The following CTNND2 variants were observed in gnomAD, a reference collection of about 807,000 sequenced individuals.
CTNND2 encodes catenin delta-2.
Under a neutral mutation model 144.4 loss-of-function variants are expected in CTNND2, and 22 were observed. That is an observed-to-expected ratio of 0.15 (90% CI 0.11 to 0.22). CTNND2 has a LOEUF of 0.22. Ranked by LOEUF, CTNND2 falls within the 10% of genes least tolerant of loss-of-function variation. CTNND2 has a pLI of 1.00. For synonymous variants in CTNND2, 751 were observed against 695.6 expected (o/e 1.08, Z -1.25); for missense variants, 1,353 against 1,618.8 (o/e 0.84, Z 2.82).
At chr5:11,243,088 C>T (rs765423176) in intron 9 of CTNND2, among the ~76,000 whole-genome samples, 10 of 152,158 alleles carry the variant, frequency 6.6e-5, no homozygotes, top group Admixed American at 2.6e-4. Flanking sequence ...TTCACTGATA[C>T]GTATTCATTT....
intron 9 of CTNND2, among the ~76,000 whole-genome samples, chr5:11,325,078 C>T (rs1752403002): frequency 2.0e-5 from 3 of 151,548 alleles, no homozygotes; most frequent in Admixed American, 1.3e-4. Flanking sequence ...TTTCTTGTTT[C>T]TGAGAAACTG....
chr5:11,473,051 C>T (rs1387047180), intron 3 of CTNND2, among the ~76,000 whole-genome samples: 2 of 152,010 alleles, frequency 1.3e-5, no homozygotes, highest in Non-Finnish European at 2.9e-5. Flanking sequence ...GCCTGGGTGA[C>T]AGAGCAAAAC....
intron 12 of CTNND2, among the ~76,000 whole-genome samples, chr5:11,133,600 C>T (rs892954036): frequency 6.6e-6 from 1 of 152,154 alleles, no homozygotes; most frequent in African/African-American, 2.4e-5. Context: ...GATTCACCTG[C>T]CTTGGCCTCC....
At chr5:11,637,490 T>G (rs1013999273) in intron 2 of CTNND2, among the ~76,000 whole-genome samples, 1 of 151,484 alleles carries the variant, frequency 6.6e-6, no homozygotes, top group Admixed American at 6.6e-5. Flanking sequence ...AAATTTTATA[T>G]GACAAAGTTA....
At chr5:11,671,085 A>G (rs1322082101) in intron 2 of CTNND2, among the ~76,000 whole-genome samples, 1 of 152,178 alleles carries the variant, frequency 6.6e-6, no homozygotes, top group East Asian at 1.9e-4. Flanking sequence ...CTTTTCTGTA[A>G]GAATGTTGAA....
intron 7 of CTNND2, among the ~76,000 whole-genome samples, chr5:11,382,529 T>C (rs931495351): frequency 6.0e-5 from 9 of 151,188 alleles, no homozygotes; most frequent in Non-Finnish European, 1.3e-4. Context: ...ATCCAGGAGA[T>C]GGATGTTGCA....
chr5:11,386,015 C>T (rs258829), intron 6 of CTNND2: 134,055 of 152,210 alleles, frequency 0.88, 59,197 homozygotes, highest in Middle Eastern at 0.93. Flanking sequence ...TGTCTTCAAA[C>T]TGAAAGCCAT....
chr5:10,978,332 T>C (rs550140441), intron 21 of CTNND2, among the ~76,000 whole-genome samples: 6 of 152,290 alleles, frequency 3.9e-5, no homozygotes, highest in Non-Finnish European at 7.4e-5. Context: ...AACATGTCTT[T>C]TGAAGGGTTA....
intron 1 of CTNND2, among the ~76,000 whole-genome samples, chr5:11,821,096 T>C (rs1167085040): frequency 6.6e-6 from 1 of 152,196 alleles, no homozygotes; most frequent in African/African-American, 2.4e-5. Flanking sequence ...TAGCCAGTTA[T>C]CAAAATACAA....
chr5:11,145,191 G>T (rs1196568525), intron 12 of CTNND2, among the ~76,000 whole-genome samples: 7 of 152,030 alleles, frequency 4.6e-5, no homozygotes, highest in Non-Finnish European at 1.0e-4. Flanking sequence ...CGTTCAGTAG[G>T]ACTAAGTACA....
rs1758936006 is a variant in CTNND2, at chr5:11,385,119, G to A, written c.723C>T (p.Pro241=). 6 of 1,024,564 alleles carry A rather than the reference G, an allele frequency of 5.9e-6. No individual in the cohort carries two copies. In the South Asian group the frequency reaches 1.2e-4, roughly 20 times the overall value. The allele number at this position is 1,024,564 out of a possible 1,614,324, so 63.5% of individuals were successfully genotyped here. ...APSLGSAFHL[P]DAPPAAAAAA... Reference sequence around the variant, plus strand: ...CGGCGGCGGCGGCGGGCGGCGCGTCGGGCAGGTGGAAGGCGCTGCCCAGGC... The same window carrying A: ...CGGCGGCGGCGGCGGGCGGCGCGTCAGGCAGGTGGAAGGCGCTGCCCAGGC... The change falls in exon 7 of 22, where the codon CCC becomes CCT. Residue 241 remains proline, a synonymous_variant. Coordinates refer to ENST00000304623, the MANE Select transcript of CTNND2 (RefSeq NM_001332.4).
chr5:11,802,271 TAA>T (rs1012087351), intron 1 of CTNND2, among the ~76,000 whole-genome samples: 11 of 134,018 alleles, frequency 8.2e-5, no homozygotes, highest in East Asian at 4.4e-4. Context: ...GACTCTGTCT[TAA>T]AAAAAAAAAA....
Position 11,509,719 on chromosome 5 carries a change from T to C in CTNND2, c.287+55225A>G, listed in dbSNP as rs25930. Among the ~76,000 whole-genome samples, 1,275 of 152,312 alleles carry C rather than the reference T, an allele frequency of 8.4e-3. 12 individuals are homozygous for C. Among genetic ancestry groups the C allele is most frequent in the African/African-American group, 0.024 (994 of 41,560 alleles). On this transcript the variant is annotated intron_variant, in intron 3 of 21. Transcript: ENST00000304623. ...TCTGAACTAGGAAAAATCTTAAAAC[T>C]GGATCTAGTCTCTTTACTTCTCTTT...
intron 2 of CTNND2, among the ~76,000 whole-genome samples, chr5:11,704,726 C>T (rs1206247708): frequency 6.6e-6 from 1 of 151,886 alleles, no homozygotes; most frequent in South Asian, 2.1e-4. Flanking sequence ...GCCCTATGTC[C>T]AGCCCAACTA....
intron 13 of CTNND2, among the ~76,000 whole-genome samples, chr5:11,111,355 C>A (rs775441972): frequency 2.0e-5 from 3 of 152,172 alleles, no homozygotes; most frequent in Admixed American, 2.0e-4. Flanking sequence ...TCCCAAATAT[C>A]ATCCACTAAC....
intron 15 of CTNND2, among the ~76,000 whole-genome samples, chr5:11,096,615 A>T (rs10513071): frequency 0.13 from 20,473 of 152,214 alleles, 1,599 homozygotes; most frequent in African/African-American, 0.22. Flanking sequence ...AACATATGGA[A>T]TATAGAGTTG....
intron 10 of CTNND2, among the ~76,000 whole-genome samples, chr5:11,203,575 A>G (rs1186438984): frequency 6.6e-6 from 1 of 152,072 alleles, no homozygotes; most frequent in African/African-American, 2.4e-5. Context: ...AGGTTTCGCC[A>G]TGTTGCCCAG....
chr5:11,645,567 A>T (rs1351284181), intron 2 of CTNND2, among the ~76,000 whole-genome samples: 1 of 152,182 alleles, frequency 6.6e-6, no homozygotes, highest in East Asian at 1.9e-4. Context: ...CTTTTTATCC[A>T]GATATTTGAA....
chr5:11,889,990 T>C (rs973303379), intron 1 of CTNND2, among the ~76,000 whole-genome samples: 4 of 152,232 alleles, frequency 2.6e-5, no homozygotes, highest in African/African-American at 9.6e-5. Context: ...TTAAAGATAA[T>C]GAAAAATATA....
Sources: gnomAD v4.1 joint callset for allele counts (sites outside exome capture counted in the v4.1 genomes callset) on GRCh38, gnomAD v4.1.1 for gene constraint, MANE v1.5 for transcripts, NCBI Gene and HGNC (gene_info 2026-07-23, HGNC 2026-07-21) for gene names.